NRXN1: variants seen among roughly 807,000 people sequenced by gnomAD.
The protein encoded by NRXN1 is neurexin-1.
Under a neutral mutation model 150.9 loss-of-function variants are expected in NRXN1, and 39 were observed. The ratio of observed to expected loss-of-function variants is 0.26; its 90% CI spans 0.20 to 0.34. The LOEUF (loss-of-function observed/expected upper bound fraction) is 0.34, where lower values mean the gene tolerates loss of function less well. Ranked by LOEUF, NRXN1 falls within the 10% of genes least tolerant of loss-of-function variation. The pLI, the probability that NRXN1 is intolerant of heterozygous loss-of-function variation, is 1.00. For missense variants in NRXN1, 1,815 were observed against 1,949.9 expected (o/e 0.93, Z 1.30); for synonymous variants, 924 against 757.0 (o/e 1.22, Z -3.62).
intron 18 of NRXN1, among the ~76,000 whole-genome samples, chr2:50,232,427 G>A: frequency 8.6e-6 from 1 of 116,650 alleles, no homozygotes; most frequent in Non-Finnish European, 1.7e-5. Flanking sequence ...TCACTCTGTT[G>A]CCAGGCTGGA....
At chr2:50,158,880 G>A (rs1233018082) in intron 18 of NRXN1, among the ~76,000 whole-genome samples, 1 of 151,972 alleles carries the variant, frequency 6.6e-6, no homozygotes, top group African/African-American at 2.4e-5. Context: ...ATATTATTAG[G>A]AGTCCATATA....
chr2:50,711,661 T>C (rs1273525970), intron 5 of NRXN1, among the ~76,000 whole-genome samples: 1 of 152,100 alleles, frequency 6.6e-6, no homozygotes, highest in Non-Finnish European at 1.5e-5. Context: ...TGAGTATCAC[T>C]GACTGCTATG....
intron 17 of NRXN1, among the ~76,000 whole-genome samples, chr2:50,280,090 A>T (rs2071213147): frequency 6.6e-6 from 1 of 152,056 alleles, no homozygotes; most frequent in Admixed American, 6.5e-5. Context: ...CACCCTGGCT[A>T]ACACGGTGAG....
At chr2:49,999,301 C>CA (rs1683518310) in intron 21 of NRXN1, among the ~76,000 whole-genome samples, 3 of 152,208 alleles carry the variant, frequency 2.0e-5, no homozygotes, top group Admixed American at 2.0e-4. Flanking sequence ...TCCAAAATGA[C>CA]TTTCCTTATC....
At chr2:50,702,256 T>C (rs1223728480) in intron 5 of NRXN1, among the ~76,000 whole-genome samples, 2 of 152,040 alleles carry the variant, frequency 1.3e-5, no homozygotes, top group African/African-American at 2.4e-5. Flanking sequence ...TGAACTCCTT[T>C]TCCAGATAAC....
Position 50,360,720 on chromosome 2 carries a change from C to A in NRXN1, c.3364+104722G>T, listed in dbSNP as rs2079129629. On this transcript the variant is annotated intron_variant, in intron 17 of 22. Coordinates refer to ENST00000401669, the MANE Select transcript of NRXN1 (RefSeq NM_001330078.2). ...ACAGATCAATGAGACAGAAAATTAA[C>A]AAGGATATTCAGGACTTGAACTCAG... Among the ~76,000 whole-genome samples the A allele has an allele frequency of 2.0e-5, 3 of 152,124 alleles. No individual in the cohort carries two copies. The South Asian group carries it at 6.2e-4, about 32-fold the overall frequency.
chr2:50,445,559 T>G (rs1178549524), intron 17 of NRXN1, among the ~76,000 whole-genome samples: 1 of 152,168 alleles, frequency 6.6e-6, no homozygotes, highest in African/African-American at 2.4e-5. Flanking sequence ...TCAGCAAGAC[T>G]ACAAACTCCA....
At chr2:50,225,362 G>A (rs1218867715) in intron 18 of NRXN1, among the ~76,000 whole-genome samples, 1 of 151,956 alleles carries the variant, frequency 6.6e-6, no homozygotes. Context: ...TAAGCACCAT[G>A]CTAGAGTATG....
At chr2:50,843,151 G>A (rs60770830) in intron 5 of NRXN1, among the ~76,000 whole-genome samples, 5,094 of 152,134 alleles carry the variant, frequency 0.033, 164 homozygotes, top group East Asian at 0.18. Context: ...CTGGACCCAG[G>A]GACAAGAAAC....
chr2:50,565,144 C>T lies in NRXN1; in HGVS notation c.1321-12119G>A, dbSNP rs539829926. ...TTAAATGAATGCTAGATCCAGGCAG[C>T]TCAGGTAGCTCAAGAATGGAAGGGG... On this transcript the variant is annotated intron_variant, in intron 8 of 22. Coordinates refer to ENST00000401669, the MANE Select transcript of NRXN1 (RefSeq NM_001330078.2). 2.6e-5 allele frequency among the ~76,000 whole-genome samples: 4 copies of T among 152,118 alleles called. 1 individual carries two copies. Among genetic ancestry groups the T allele is most frequent in the African/African-American group, 9.6e-5 (4 of 41,478 alleles).
At chr2:50,759,238 T>C (rs555286794) in intron 5 of NRXN1, among the ~76,000 whole-genome samples, 1 of 152,054 alleles carries the variant, frequency 6.6e-6, no homozygotes, top group South Asian at 2.1e-4. Context: ...TTCTTTTTTG[T>C]TCCTTTAAGA....
At chr2:50,388,161 G>A (rs891648098) in intron 17 of NRXN1, among the ~76,000 whole-genome samples, 6 of 152,060 alleles carry the variant, frequency 3.9e-5, no homozygotes, top group Non-Finnish European at 8.8e-5. Context: ...GGGCAATCTG[G>A]GGTGGGGAGT....
intron 5 of NRXN1, among the ~76,000 whole-genome samples, chr2:50,705,388 A>G (rs1424010219): frequency 3.3e-5 from 5 of 152,162 alleles, no homozygotes; most frequent in African/African-American, 9.6e-5. Context: ...TAAACCTATC[A>G]AAGTATTTGA....
At chr2:50,410,788 G>T (rs2083093436) in intron 17 of NRXN1, among the ~76,000 whole-genome samples, 1 of 152,216 alleles carries the variant, frequency 6.6e-6, no homozygotes. Context: ...AAGCTGCTGA[G>T]ATGTGCCTCA....
chr2:49,948,290 G>A (rs527950994), intron 21 of NRXN1, among the ~76,000 whole-genome samples: 2 of 152,144 alleles, frequency 1.3e-5, no homozygotes, highest in Non-Finnish European at 1.5e-5. Context: ...TAACCAGAAC[G>A]TGTGAGAATG....
At position 50,499,436 on chromosome 2, in the gene NRXN1, C is replaced by G. The variant is rs182615919; in HGVS notation, c.2498-1722G>C. 2.0e-5 allele frequency among the ~76,000 whole-genome samples: 3 copies of G among 152,196 alleles called. No homozygotes were observed. In the East Asian group the frequency reaches 5.8e-4, roughly 30 times the overall value. ...ATGCCTCCTGATTGTCTATCTGATG[C>G]AAAAGTACTATTACATCCTTGTCAA... is the stretch of plus-strand genomic sequence containing the variant. On this transcript the variant is annotated intron_variant, in intron 13 of 22. Transcript: ENST00000401669.
At chr2:50,331,854 T>G (rs974360410) in intron 17 of NRXN1, among the ~76,000 whole-genome samples, 1 of 152,174 alleles carries the variant, frequency 6.6e-6, no homozygotes, top group African/African-American at 2.4e-5. Flanking sequence ...CATAAGGTCT[T>G]GTTCCTCAAG....
chr2:50,502,299 T>G (rs2104959913), intron 13 of NRXN1, among the ~76,000 whole-genome samples: 1 of 152,214 alleles, frequency 6.6e-6, no homozygotes, highest in Admixed American at 6.5e-5. Context: ...ACTCAGCATT[T>G]GATGTTAAGT....
chr2:50,435,921 T>C lies in NRXN1; in HGVS notation c.3364+29521A>G, dbSNP rs188632284. 5.5e-4 allele frequency among the ~76,000 whole-genome samples: 84 copies of C among 152,226 alleles called. 2 individuals carry two copies. In the East Asian group the frequency reaches 0.012, roughly 22 times the overall value. ...CCCCGTGACACACAATTTACCTATA[T>C]AGGTAACCTCCACATGTACCCCTAA... is the stretch of plus-strand genomic sequence containing the variant. On this transcript the variant is annotated intron_variant, in intron 17 of 22. Coordinates refer to ENST00000401669, the MANE Select transcript of NRXN1 (RefSeq NM_001330078.2).
Sources: gnomAD v4.1 joint callset for allele counts (sites outside exome capture counted in the v4.1 genomes callset) on GRCh38, gnomAD v4.1.1 for gene constraint, MANE v1.5 for transcripts, NCBI Gene and HGNC (gene_info 2026-07-23, HGNC 2026-07-21) for gene names.